BRINP1: variants seen among roughly 807,000 people sequenced by gnomAD.
BRINP1 encodes the protein BMP/retinoic acid-inducible neural-specific protein 1.
A neutral mutation model predicts 72.9 loss-of-function variants in BRINP1; 17 were observed. The observed-to-expected ratio is 0.23, with a 90% CI of 0.16 to 0.35. BRINP1 has a LOEUF of 0.35. BRINP1 is among the 10% of genes least tolerant of loss of function. The pLI is 1.00. For synonymous variants in BRINP1, 418 were observed against 378.5 expected (o/e 1.10, Z -1.21); for missense variants, 850 against 1,001.6 (o/e 0.85, Z 2.04).
At chr9:119,296,437 T>C (rs1377459480) in intron 2 of BRINP1, among the ~76,000 whole-genome samples, 1 of 152,218 alleles carries the variant, frequency 6.6e-6, no homozygotes, top group Non-Finnish European at 1.5e-5. Flanking sequence ...ACAGCCATTT[T>C]GGAAAACAAA....
At chr9:119,230,479 C>T (rs1214581754) in intron 5 of BRINP1, among the ~76,000 whole-genome samples, 1 of 151,840 alleles carries the variant, frequency 6.6e-6, no homozygotes, top group South Asian at 2.1e-4. Flanking sequence ...GATGATGAGA[C>T]AAGGAGCTGA....
chr9:119,314,207 G>A (rs1335896620), intron 1 of BRINP1, among the ~76,000 whole-genome samples: 3 of 152,110 alleles, frequency 2.0e-5, no homozygotes, highest in South Asian at 2.1e-4. Context: ...AGGGGGTCTC[G>A]CATGCTTCTT....
At chr9:119,326,829 G>T (rs1248716051) in intron 1 of BRINP1, among the ~76,000 whole-genome samples, 3 of 152,120 alleles carry the variant, frequency 2.0e-5, no homozygotes, top group African/African-American at 7.2e-5. Context: ...ATACGTCCAG[G>T]GTTCTGTGGA....
In BRINP1 at chr9:119,268,289, T is replaced by TAGATAGATAGATAGATAGATAGACAGAC. The variant is rs1182856980; in HGVS notation, c.219-19140_219-19139insGTCTGTCTATCTATCTATCTATCTATCT. ...ATAGATAGATAGATAGATAGATAGA[T>TAGATAGATAGATAGATAGATAGACAGAC]AGATAGATAGATAAAAGTGTTTTTG... On this transcript the variant is annotated intron_variant, in intron 2 of 7. Transcript: ENST00000265922. 1.9e-4 allele frequency among the ~76,000 whole-genome samples: 28 copies of TAGATAGATAGATAGATAGATAGACAGAC among 148,708 alleles called. 1 individual carries two copies. Among genetic ancestry groups the TAGATAGATAGATAGATAGATAGACAGAC allele is most frequent in the Non-Finnish European group, 2.9e-4 (19 of 66,210 alleles).
intron 7 of BRINP1, among the ~76,000 whole-genome samples, chr9:119,190,935 T>A (rs1829677282): frequency 6.6e-6 from 1 of 151,818 alleles, no homozygotes. Flanking sequence ...TAACAACACA[T>A]CTAAACCAAG....
chr9:119,324,344 T>C (rs1831217897), intron 1 of BRINP1, among the ~76,000 whole-genome samples: 1 of 152,210 alleles, frequency 6.6e-6, no homozygotes, highest in African/African-American at 2.4e-5. Flanking sequence ...GTGGGTTCTG[T>C]TTTTCCTTTG....
chr9:119,283,005 T>C (rs530375431), intron 2 of BRINP1: 38 of 985,378 alleles, frequency 3.9e-5, no homozygotes, highest in Admixed American at 2.5e-4. Flanking sequence ...CTTAGATTCC[T>C]TTTAAGCCTT....
intron 2 of BRINP1, among the ~76,000 whole-genome samples, chr9:119,255,569 T>C (rs1830437006): frequency 6.6e-6 from 1 of 152,114 alleles, no homozygotes; most frequent in Non-Finnish European, 1.5e-5. Flanking sequence ...TTCATCCTCT[T>C]TATTAGTCCT....
intron 2 of BRINP1, among the ~76,000 whole-genome samples, chr9:119,265,809 T>C (rs912352058): frequency 2.6e-5 from 4 of 152,138 alleles, no homozygotes; most frequent in South Asian, 4.1e-4. Context: ...GAGGTTTTGG[T>C]GTACAGCTCA....
chr9:119,363,890 A>C (rs1831661786), intron 1 of BRINP1, among the ~76,000 whole-genome samples: 1 of 152,238 alleles, frequency 6.6e-6, no homozygotes, highest in South Asian at 2.1e-4. Flanking sequence ...TGGACAGCAC[A>C]AAAAACATGT....
At position 119,282,762 on chromosome 9, in the gene BRINP1, C is replaced by T; in HGVS notation, c.218+30376G>A. ...TGTTGTTCCTTTATTTTCAAAAACC[C>T]CAAATTTAATTTTGCCCAGAAATAA... On this transcript the variant is annotated intron_variant, in intron 2 of 7. Transcript: ENST00000265922. The T allele has an allele frequency of 4.1e-6, 4 of 979,702 alleles. No homozygotes were observed. In the South Asian group the frequency reaches 1.9e-4, roughly 46 times the overall value. 60.7% of individuals were successfully genotyped at this position (979,702 alleles called of 1,614,324 possible). A position where few individuals can be genotyped will look rare whatever the true frequency, so the allele number is the denominator to read the frequency against.
chr9:119,169,591 C>A (rs1007825871), intron 7 of BRINP1, among the ~76,000 whole-genome samples: 36 of 152,370 alleles, frequency 2.4e-4, no homozygotes, highest in African/African-American at 8.4e-4. Flanking sequence ...ATTAGGTAAA[C>A]AAAGCAGCCG....
chr9:119,358,387 TAAAAAAA>T (rs5900396), intron 1 of BRINP1, among the ~76,000 whole-genome samples: 1 of 134,114 alleles, frequency 7.5e-6, no homozygotes, highest in South Asian at 2.4e-4. Context: ...TTATATGTAT[TAAAAAAA>T]AAAAAAAAAA....
At chr9:119,206,419 C>CA (rs56106482) in intron 7 of BRINP1, among the ~76,000 whole-genome samples, 11,217 of 85,886 alleles carry the variant, frequency 0.13, 972 homozygotes, top group Admixed American at 0.16. Context: ...GACTCCATCT[C>CA]AAAAAAAAAA....
At chr9:119,219,459 C>G (rs1830015723) in intron 5 of BRINP1, among the ~76,000 whole-genome samples, 1 of 151,938 alleles carries the variant, frequency 6.6e-6, no homozygotes, top group African/African-American at 2.4e-5. Context: ...TTCCTGTTTT[C>G]CTTCTTTCCT....
chr9:119,269,279 A>G (rs923054211), intron 2 of BRINP1, among the ~76,000 whole-genome samples: 1 of 152,224 alleles, frequency 6.6e-6, no homozygotes, highest in African/African-American at 2.4e-5. Context: ...GAAATTATCA[A>G]TACCAGTTCA....
At chr9:119,332,258 T>C (rs1831306843) in intron 1 of BRINP1, among the ~76,000 whole-genome samples, 1 of 152,256 alleles carries the variant, frequency 6.6e-6, no homozygotes, top group African/African-American at 2.4e-5. Flanking sequence ...CCATTTTTAG[T>C]CCTTACAATA....
chr9:119,208,054 A>T (rs1829877103), intron 7 of BRINP1, among the ~76,000 whole-genome samples: 1 of 152,174 alleles, frequency 6.6e-6, no homozygotes, highest in Non-Finnish European at 1.5e-5. Context: ...GAGAGTAGTA[A>T]ACCCTAATTC....
At chr9:119,173,732 C>A (rs1176383646) in intron 7 of BRINP1, among the ~76,000 whole-genome samples, 1 of 145,442 alleles carries the variant, frequency 6.9e-6, no homozygotes, top group Admixed American at 6.8e-5. Flanking sequence ...CACTACCTGA[C>A]TTCAAACTAT....
Sources: allele counts gnomAD v4.1 joint callset (sites outside exome capture counted in the v4.1 genomes callset), GRCh38; gene constraint gnomAD v4.1.1; transcripts MANE v1.5; gene names NCBI Gene and HGNC (gene_info 2026-07-23, HGNC 2026-07-21).